The following UAP1 variants were observed in gnomAD, a reference collection of about 807,000 sequenced individuals.
The protein encoded by UAP1 is UDP-N-acetylglucosamine pyrophosphorylase 1, also known as UDP-N-acetylhexosamine pyrophosphorylase.
Under a neutral mutation model 58.5 loss-of-function variants are expected in UAP1, and 25 were observed. The ratio of observed to expected loss-of-function variants is 0.43; its 90% confidence interval spans 0.31 to 0.60. The LOEUF (loss-of-function observed/expected upper bound fraction) is 0.60, where lower values mean the gene tolerates loss of function less well. Among genes scored for constraint, UAP1 ranks in the 20% least tolerant of loss-of-function variants. The pLI is 0.11. For synonymous variants in UAP1, 208 were observed against 213.0 expected (o/e 0.98, Z 0.21); for missense variants, 575 against 630.0 (o/e 0.91, Z 0.93).
chr1:162,581,215 T>C (rs1654566306), intron 4 of UAP1, 72 bp from the exon 5 acceptor site: 1 of 1,489,062 alleles, frequency 6.7e-7, no homozygotes, highest in Non-Finnish European at 9.0e-7. Flanking sequence ...TTAACCCTAG[T>C]TTGGAAACAA....
chr1:162,598,631 G>A (rs1318484445), intron 10 of UAP1, among the ~76,000 whole-genome samples: 1 of 152,046 alleles, frequency 6.6e-6, no homozygotes, highest in Admixed American at 6.6e-5. Context: ...GGATTTAGAG[G>A]TCTCTACTCT....
chr1:162,579,600 C>G, exon 4 of UAP1: 1 of 1,574,570 alleles, frequency 6.4e-7, no homozygotes, highest in Non-Finnish European at 8.6e-7. Context: ...TTCTATGGCT[C>G]CAGGTTTGTA....
intron 10 of UAP1, among the ~76,000 whole-genome samples, chr1:162,598,434 C>T (rs1172177365): frequency 3.3e-5 from 5 of 152,058 alleles, no homozygotes; most frequent in African/African-American, 9.7e-5. Context: ...GGTTAGTTGC[C>T]ATTAACAGAC....
chr1:162,572,035 T>C (rs1295936992), intron 2 of UAP1, among the ~76,000 whole-genome samples: 1 of 152,206 alleles, frequency 6.6e-6, no homozygotes, highest in African/African-American at 2.4e-5. Context: ...ATTGCAAATA[T>C]ATGTGGATTG....
intron 5 of UAP1, among the ~76,000 whole-genome samples, chr1:162,585,479 C>G (rs1399374041): frequency 1.3e-5 from 2 of 151,794 alleles, no homozygotes; most frequent in Non-Finnish European, 2.9e-5. Flanking sequence ...CCAGGCTGGT[C>G]TTGAACTCCT....
chr1:162,575,763 C>T (rs1042219322), intron 2 of UAP1, among the ~76,000 whole-genome samples: 22 of 151,292 alleles, frequency 1.5e-4, no homozygotes, highest in African/African-American at 5.1e-4. Flanking sequence ...TGCAGTGGCG[C>T]GATCTCGGCT....
In UAP1 at chr1:162,592,647, C is replaced by A. The variant is rs186532249; in HGVS notation, c.1359-85C>A. The A allele has an allele frequency of 4.0e-6, 4 of 992,142 alleles. No individual in the cohort carries two copies. In the Admixed American group the frequency reaches 6.0e-5, roughly 15 times the overall value. 61.5% of individuals were successfully genotyped at this position (992,142 alleles called of 1,614,324 possible). A position where few individuals can be genotyped will look rare whatever the true frequency, so the allele number is the denominator to read the frequency against. ...TGATTTACCATAAATACATACCATT[C>A]AATCAAGTATATTTTGCAACTCCAT... On this transcript the variant is annotated intron_variant, in intron 8 of 10. Coordinates refer to ENST00000271469, the Ensembl canonical transcript of UAP1.
chr1:162,600,146 T>G (rs1187202625), downstream of UAP1, among the ~76,000 whole-genome samples: 1 of 152,192 alleles, frequency 6.6e-6, no homozygotes, highest in African/African-American at 2.4e-5. Flanking sequence ...TCACTAAACA[T>G]CCTACAATGC....
At chr1:162,598,142 G>A (rs559742547) in intron 10 of UAP1, among the ~76,000 whole-genome samples, 36 of 152,132 alleles carry the variant, frequency 2.4e-4, no homozygotes, top group African/African-American at 8.2e-4. Context: ...TGAGGCAAGA[G>A]GATTGCTTGA....
intron 9 of UAP1, 60 bp from the exon 10 acceptor site, chr1:162,597,732 T>C: frequency 7.0e-7 from 1 of 1,432,956 alleles, no homozygotes. Context: ...GTTTGTACTT[T>C]TGCTCTGGCA....
chr1:162,576,730 A>T (rs1381223087), intron 2 of UAP1, 47 bp from the exon 3 acceptor site: 2 of 1,530,308 alleles, frequency 1.3e-6, no homozygotes, highest in Admixed American at 3.5e-5. Flanking sequence ...TTAATACTAA[A>T]GTGTTGAATT....
chr1:162,565,393 T>C (rs1653429125), intron 1 of UAP1, among the ~76,000 whole-genome samples: 1 of 152,232 alleles, frequency 6.6e-6, no homozygotes. Context: ...TGCTTGTCTC[T>C]TTAAGGAGGA....
chr1:162,571,164 C>T (rs1335976137), intron 2 of UAP1, among the ~76,000 whole-genome samples: 8 of 150,772 alleles, frequency 5.3e-5, no homozygotes, highest in South Asian at 4.2e-4. Flanking sequence ...AGTCTCACTC[C>T]GTTGCCCAGG....
intron 2 of UAP1, among the ~76,000 whole-genome samples, chr1:162,571,301 G>T (rs1431612456): frequency 1.3e-5 from 2 of 151,936 alleles, no homozygotes; most frequent in African/African-American, 4.8e-5. Context: ...GCCAATTTTT[G>T]TATTTTTAGT....
downstream of UAP1, among the ~76,000 whole-genome samples, chr1:162,600,638 A>C (rs890402783): frequency 1.3e-5 from 2 of 151,934 alleles, no homozygotes; most frequent in Admixed American, 1.3e-4. Flanking sequence ...TCTTTTGTTT[A>C]AGGATCACTT....
chr1:162,592,961 A>C (rs1655409837), intron 9 of UAP1, 179 bp downstream of exon 9: 2 of 568,798 alleles, frequency 3.5e-6, no homozygotes, highest in Admixed American at 3.2e-5. Context: ...ACTAACTCAG[A>C]ATCTTGTTGC....
exon 11 of UAP1, chr1:162,599,459 A>G: frequency 1.3e-6 from 1 of 747,234 alleles, no homozygotes; most frequent in Non-Finnish European, 2.2e-6. Context: ...ACTGAAGTTT[A>G]AATATCCACA....
At position 162,588,846 on chromosome 1, in the gene UAP1, T is replaced by C. The variant is rs1284472682; in HGVS notation, c.1169+13T>C. 1.9e-6 allele frequency: 3 copies of C among 1,605,884 alleles called. No individual in the cohort carries two copies. Among genetic ancestry groups the C allele is most frequent in the Admixed American group, 3.5e-5 (2 of 57,712 alleles). ...TCCAGTTTGCAAAGTATGCTTTGAA[T>C]AGTACCAATAAGGTTAAATAAATGT... is the stretch of plus-strand genomic sequence containing the variant. On this transcript the variant is annotated intron_variant, in intron 7 of 10. Coordinates refer to ENST00000271469, the Ensembl canonical transcript of UAP1.
chr1:162,596,624 T>C (rs1391815175), intron 9 of UAP1, among the ~76,000 whole-genome samples: 1 of 152,022 alleles, frequency 6.6e-6, no homozygotes, highest in Non-Finnish European at 1.5e-5. Context: ...ATCCAAAGAG[T>C]GTGACTGATC....
Sources: gnomAD v4.1 joint callset for allele counts (sites outside exome capture counted in the v4.1 genomes callset) on GRCh38, gnomAD v4.1.1 for gene constraint, MANE v1.5 for transcripts, NCBI Gene and HGNC (gene_info 2026-07-23, HGNC 2026-07-21) for gene names.